HECW1: variants seen among roughly 807,000 people sequenced by gnomAD.
HECW1 encodes E3 ubiquitin-protein ligase HECW1.
In HECW1, 61 loss-of-function variants were observed where a neutral mutation model predicts 182.3. The ratio of observed to expected loss-of-function variants is 0.33; its 90% CI spans 0.27 to 0.41. The LOEUF is 0.41. Ranked by LOEUF, HECW1 falls within the 10% of genes least tolerant of loss-of-function variation. HECW1 has a pLI of 1.00. For synonymous variants in HECW1, 859 were observed against 832.6 expected (o/e 1.03, Z -0.55); for missense variants, 1,739 against 2,108.9 (o/e 0.82, Z 3.44).
chr7:43,282,155 G>T (rs181442869), intron 3 of HECW1, among the ~76,000 whole-genome samples: 158 of 152,322 alleles, frequency 1.0e-3, no homozygotes, highest in African/African-American at 3.6e-3. Flanking sequence ...ATCACTGAAT[G>T]TGCCTCTTAC....
intron 12 of HECW1, among the ~76,000 whole-genome samples, chr7:43,455,323 GTT>G (rs1180174758): frequency 6.6e-6 from 1 of 152,130 alleles, no homozygotes; most frequent in Non-Finnish European, 1.5e-5. Context: ...TCAAAACGCT[GTT>G]TTGAAACCCT....
chr7:43,434,053 A>T (rs2076632918), intron 8 of HECW1, among the ~76,000 whole-genome samples: 1 of 152,030 alleles, frequency 6.6e-6, no homozygotes, highest in South Asian at 2.1e-4. Flanking sequence ...AAAAAAAAAC[A>T]AAAAACCTTT....
chr7:43,246,076 A>T (rs1342781693), intron 3 of HECW1, among the ~76,000 whole-genome samples: 1 of 152,084 alleles, frequency 6.6e-6, no homozygotes, highest in Non-Finnish European at 1.5e-5. Context: ...AGGCAGGAGG[A>T]TCACTTGACG....
intron 2 of HECW1, among the ~76,000 whole-genome samples, chr7:43,146,200 G>T (rs1003791747): frequency 3.3e-5 from 5 of 152,098 alleles, no homozygotes; most frequent in African/African-American, 9.7e-5. Context: ...TGGATTTAGG[G>T]TTTCTCCACC....
chr7:43,164,919 G>A (rs1033419703), intron 2 of HECW1, among the ~76,000 whole-genome samples: 1 of 152,248 alleles, frequency 6.6e-6, no homozygotes, highest in African/African-American at 2.4e-5. Flanking sequence ...AGTGTCTTAA[G>A]AGTGAAGAGT....
rs749265556 is a variant in HECW1 at position 43,181,399 on chromosome 7, A to AT, written c.-31-62470dup. ...GGATCATATAGTAGTTCTATTTTAA[A>AT]TTTTTTGAGGAACCTCAACACTGTT... is the stretch of plus-strand genomic sequence containing the variant. On this transcript the variant is annotated intron_variant, in intron 2 of 29. Coordinates refer to ENST00000395891, the MANE Select transcript of HECW1 (RefSeq NM_015052.5). Among the ~76,000 whole-genome samples, 46 of 150,984 alleles carry AT rather than the reference A, an allele frequency of 3.0e-4. 1 individual carries two copies. The highest frequency in any genetic ancestry group is 6.8e-3 in the Middle Eastern group (2 of 294).
rs1275936797 is a variant in HECW1, at chr7:43,432,220, A to G, written c.802-5783A>G. Among the ~76,000 whole-genome samples the G allele has an allele frequency of 3.3e-5, 5 of 149,494 alleles. No individual in the cohort carries two copies. The highest frequency in any genetic ancestry group is 7.4e-5 in the Non-Finnish European group (5 of 67,386). The stretch of plus-strand genomic sequence containing the variant: ...AGTGGCGGGATCTCGGCTCACTGCA[A>G]GCTCCGCCTCCCGGGTTCACGCCAT... On this transcript the variant is annotated intron_variant, in intron 8 of 29. Transcript: ENST00000395891. This position sits in a 1 kb window ranked among gnomAD's most constrained non-coding sequence, Gnocchi z 4.1.
At chr7:43,500,624 A>G (rs2152923919) in intron 19 of HECW1, 75 bp from the exon 20 acceptor site, 2 of 1,134,058 alleles carry the variant, frequency 1.8e-6, no homozygotes, top group East Asian at 4.7e-5. Context: ...AGAGGAAATA[A>G]GAGATCAGAA....
At chr7:43,287,037 A>G (rs1438700835) in intron 3 of HECW1, among the ~76,000 whole-genome samples, 1 of 151,260 alleles carries the variant, frequency 6.6e-6, no homozygotes, top group African/African-American at 2.4e-5. Flanking sequence ...TTGTTTAAGG[A>G]TGGTTGGGGG....
chr7:43,507,096 G>T, intron 21 of HECW1, 41 bp from the exon 22 acceptor site: 1 of 1,585,858 alleles, frequency 6.3e-7, no homozygotes, highest in South Asian at 1.2e-5. Flanking sequence ...AGAAGAAGAA[G>T]AAGAAAGAAA....
At chr7:43,433,966 C>T (rs1372712220) in intron 8 of HECW1, among the ~76,000 whole-genome samples, 1 of 152,110 alleles carries the variant, frequency 6.6e-6, no homozygotes, top group Non-Finnish European at 1.5e-5. Flanking sequence ...GGTTTTCTTT[C>T]ACTGGTGAAG....
chr7:43,137,742 G>A (rs1254418195), intron 2 of HECW1, among the ~76,000 whole-genome samples: 1 of 151,844 alleles, frequency 6.6e-6, no homozygotes, highest in Non-Finnish European at 1.5e-5. Context: ...TAGAGATAGG[G>A]TTTCACCATG....
chr7:43,482,024 T>C (rs2078457516), intron 17 of HECW1, among the ~76,000 whole-genome samples: 1 of 149,156 alleles, frequency 6.7e-6, no homozygotes, highest in Admixed American at 6.7e-5. Context: ...ACACATATGA[T>C]GAAAGGGCGT....
At chr7:43,252,281 T>C (rs1052825384) in intron 3 of HECW1, among the ~76,000 whole-genome samples, 2 of 152,174 alleles carry the variant, frequency 1.3e-5, no homozygotes, top group African/African-American at 4.8e-5. Flanking sequence ...CCCCAGTCAG[T>C]ATCCGTGTCA....
intron 13 of HECW1, among the ~76,000 whole-genome samples, chr7:43,463,438 A>G (rs2077654744): frequency 6.6e-6 from 1 of 152,234 alleles, no homozygotes; most frequent in Admixed American, 6.5e-5. Flanking sequence ...AAAAGTCGCC[A>G]TACTTGAAAC....
intron 5 of HECW1, among the ~76,000 whole-genome samples, chr7:43,332,324 C>G (rs1203829997): frequency 6.6e-6 from 1 of 152,172 alleles, no homozygotes; most frequent in Non-Finnish European, 1.5e-5. Context: ...CTGCTGAGAC[C>G]CTCTAAAGAC....
At chr7:43,204,820 G>A (rs1338525447) in intron 2 of HECW1, among the ~76,000 whole-genome samples, 1 of 152,188 alleles carries the variant, frequency 6.6e-6, no homozygotes, top group Non-Finnish European at 1.5e-5. Flanking sequence ...CTTTAGGACA[G>A]GACATAGTTT....
Position 43,479,511 on chromosome 7 carries a change from AC to A in HECW1, c.3100-97del, listed in dbSNP as rs2078341689. ...GGTAGGGGAGGCTGGGCAGAAATAA[AC>A]CTGAGGCCTGGGCCCTGTAGCACTC... is the stretch of plus-strand genomic sequence containing the variant. On this transcript the variant is annotated intron_variant, in intron 16 of 29. Transcript: ENST00000395891. 2.9e-6 allele frequency: 4 copies of A among 1,395,990 alleles called. No homozygotes were observed. The South Asian group carries it at 5.1e-5, about 18-fold the overall frequency. The allele number at this position is 1,395,990 out of a possible 1,614,324, so 86.5% of individuals were successfully genotyped here. A position where few individuals can be genotyped will look rare whatever the true frequency, so the allele number is the denominator to read the frequency against.
At chr7:43,304,466 A>G (rs1322976385) in intron 3 of HECW1, among the ~76,000 whole-genome samples, 3 of 126,176 alleles carry the variant, frequency 2.4e-5, no homozygotes, top group Non-Finnish European at 3.3e-5. Context: ...ACAGTTATTT[A>G]TTTATTTATT....
Sources: gnomAD v4.1 joint callset for allele counts (sites outside exome capture counted in the v4.1 genomes callset) on GRCh38, gnomAD v4.1.1 for gene constraint, Gnocchi (gnomAD v3.1) non-coding constraint, MANE v1.5 for transcripts, NCBI Gene and HGNC (gene_info 2026-07-23, HGNC 2026-07-21) for gene names.